The following PDE3A variants were observed in gnomAD, a reference collection of about 807,000 sequenced individuals.
PDE3A encodes cGMP-inhibited 3',5'-cyclic phosphodiesterase 3A.
PDE3A carries 43 observed loss-of-function variants against 98.3 expected under a neutral mutation model. The observed-to-expected ratio is 0.44, with a 90% CI of 0.34 to 0.56. PDE3A has a LOEUF of 0.56. PDE3A is among the 20% of genes least tolerant of loss of function. The pLI is 0.01. For synonymous variants in PDE3A, 663 were observed against 567.9 expected, an observed-to-expected ratio of 1.17 and a Z score of -2.38; for missense variants, 1,427 against 1,440.7, an observed-to-expected ratio of 0.99 and a Z score of 0.15.
intron 2 of PDE3A, among the ~76,000 whole-genome samples, chr12:20,588,136 G>C (rs1016159801): frequency 6.6e-6 from 1 of 152,170 alleles, no homozygotes; most frequent in Non-Finnish European, 1.5e-5. Flanking sequence ...AAGGCGGTAG[G>C]GGCAGTTGTT....
chr12:20,377,319 G>T (rs1256148493), intron 1 of PDE3A, among the ~76,000 whole-genome samples: 3 of 151,888 alleles, frequency 2.0e-5, no homozygotes, highest in Admixed American at 1.3e-4. Context: ...CAGATGAAAT[G>T]AATTATAATA....
At chr12:20,572,161 A>T (rs1449062294) in intron 2 of PDE3A, 4 of 1,267,002 alleles carry the variant, frequency 3.2e-6, no homozygotes, top group Non-Finnish European at 3.1e-6. Flanking sequence ...TGGAGCTTCT[A>T]CTGGGAAAAG....
chr12:20,568,201 A>G (rs1355365923), intron 2 of PDE3A, among the ~76,000 whole-genome samples: 3 of 151,966 alleles, frequency 2.0e-5, no homozygotes, highest in Admixed American at 2.0e-4. Flanking sequence ...TCTTCTTGAC[A>G]AATTCTATTA....
intron 2 of PDE3A, among the ~76,000 whole-genome samples, chr12:20,589,908 A>T (rs536616812): frequency 4.1e-4 from 62 of 151,442 alleles, no homozygotes; most frequent in African/African-American, 1.4e-3. Context: ...ATTAGTTCAC[A>T]TTAGTTCATA....
intron 5 of PDE3A, among the ~76,000 whole-genome samples, chr12:20,625,101 C>T (rs1347264025): frequency 6.6e-6 from 1 of 152,152 alleles, no homozygotes; most frequent in Non-Finnish European, 1.5e-5. Flanking sequence ...TTGCGCAAAT[C>T]AAGTAAACAG....
intron 15 of PDE3A, among the ~76,000 whole-genome samples, chr12:20,662,740 A>G (rs1381667895): frequency 6.6e-5 from 10 of 152,230 alleles, no homozygotes. Context: ...TTAAGAGGGA[A>G]GCTGAGCATA....
In PDE3A at chr12:20,627,567, C is replaced by T. The variant is rs371541469; in HGVS notation, c.1541-2341C>T. On this transcript the variant is annotated intron_variant, in intron 5 of 15. Coordinates refer to ENST00000359062, the MANE Select transcript of PDE3A (RefSeq NM_000921.5). Reference sequence around the variant, plus strand: ...AGGCCTCTATTCAAATTTTACCCACCCCCACCCTTTCCCAGCCAGAGAGGC... The same window carrying T: ...AGGCCTCTATTCAAATTTTACCCACTCCCACCCTTTCCCAGCCAGAGAGGC... Among the ~76,000 whole-genome samples the T allele has an allele frequency of 3.0e-3, 456 of 151,962 alleles. 2 individuals are homozygous for T. Among genetic ancestry groups the T allele is most frequent in the South Asian group, 0.015 (70 of 4,808 alleles).
At chr12:20,384,262 G>A (rs542146132) in intron 1 of PDE3A, among the ~76,000 whole-genome samples, 2 of 150,560 alleles carry the variant, frequency 1.3e-5, no homozygotes, top group Non-Finnish European at 3.0e-5. Flanking sequence ...CCTGACATTC[G>A]GGAAAGTCAT....
At chr12:20,481,384 A>G (rs1482575294) in intron 1 of PDE3A, among the ~76,000 whole-genome samples, 1 of 152,206 alleles carries the variant, frequency 6.6e-6, no homozygotes, top group Non-Finnish European at 1.5e-5. Context: ...CTGAATATTT[A>G]TTATATGCTC....
Position 20,450,758 on chromosome 12 carries a change from A to G in PDE3A, c.960+80514A>G, listed in dbSNP as rs114468159. On this transcript the variant is annotated intron_variant, in intron 1 of 15. Transcript: ENST00000359062. Reference sequence around the variant, plus strand: ...AAATACGCTGTATGGGAATGTGCTTATATTTTGATGAGTAATGTGTTTTTA... The same window carrying G: ...AAATACGCTGTATGGGAATGTGCTTGTATTTTGATGAGTAATGTGTTTTTA... Among the ~76,000 whole-genome samples, 644 of 152,356 alleles carry G rather than the reference A, an allele frequency of 4.2e-3. 6 individuals carry two copies. The highest frequency in any genetic ancestry group is 0.014 in the African/African-American group (600 of 41,590).
At chr12:20,643,010 G>A (rs1944680107) in intron 10 of PDE3A, among the ~76,000 whole-genome samples, 1 of 152,078 alleles carries the variant, frequency 6.6e-6, no homozygotes, top group Admixed American at 6.6e-5. Flanking sequence ...TGTGCTTGAG[G>A]GAAAAGGAGA....
rs369635125 is a variant in PDE3A, at chr12:20,419,738, A to T, written c.960+49494A>T. Among the ~76,000 whole-genome samples, 317 of 132,648 alleles carry T rather than the reference A, an allele frequency of 2.4e-3. 1 individual carries two copies. Among genetic ancestry groups the T allele is most frequent in the African/African-American group, 7.3e-3 (260 of 35,504 alleles). The allele number at this position is 132,648 out of a possible 152,430, so 87.0% of individuals were successfully genotyped here. The stretch of plus-strand genomic sequence containing the variant: ...ACCCTATGATTAAATTTAATATTGT[A>T]TTTTTTTTTTTTTTTTTGAGACAAA... On this transcript the variant is annotated intron_variant, in intron 1 of 15. Coordinates refer to ENST00000359062, the MANE Select transcript of PDE3A (RefSeq NM_000921.5).
intron 1 of PDE3A, among the ~76,000 whole-genome samples, chr12:20,544,859 T>G (rs1018190467): frequency 6.6e-6 from 1 of 151,944 alleles, no homozygotes; most frequent in African/African-American, 2.4e-5. Flanking sequence ...CATGGAAAAC[T>G]GTAAATCTCT....
intron 2 of PDE3A, among the ~76,000 whole-genome samples, chr12:20,603,581 G>A (rs1270483100): frequency 1.3e-5 from 2 of 151,674 alleles, no homozygotes; most frequent in Non-Finnish European, 2.9e-5. Context: ...ATTTATTTTG[G>A]TAGAGAAATC....
rs117720973 is a variant in PDE3A, at chr12:20,636,556, A to T, written c.2002-544A>T. On this transcript the variant is annotated intron_variant, in intron 8 of 15. Coordinates refer to ENST00000359062, the MANE Select transcript of PDE3A (RefSeq NM_000921.5). ...TGAAATAAATTAAAATCCCTAAAAA[A>T]TATGGCAATTGTTATTCTATAGGAT... is the stretch of plus-strand genomic sequence containing the variant. Among the ~76,000 whole-genome samples the T allele has an allele frequency of 1.3e-3, 195 of 152,300 alleles. 3 individuals carry two copies. In the East Asian group the frequency reaches 0.033, roughly 26 times the overall value.
Position 20,633,764 on chromosome 12 carries a change from C to T in PDE3A, c.1832C>T (p.Thr611Ile). Residue 611 changes from threonine to isoleucine, a missense_variant, in exon 7 of 16, where the codon ACA (threonine) becomes ATA (isoleucine). Physicochemically the swap from Thr to Ile is moderately conservative, Grantham distance 89. Coordinates refer to ENST00000359062, the MANE Select transcript of PDE3A (RefSeq NM_000921.5). ...GAGAGAAGTGGGGTAGCCACTCGGA[C>T]ACCAAGTAGAACAGGTAATTCATTG... The part of the protein sequence containing the change: ...PLERSGVATR[T>I]PSRTDDTAQV... The T allele has an allele frequency of 6.3e-7, 1 of 1,596,158 alleles. No homozygotes were observed.
chr12:20,371,679 TG>T (rs1389671538), intron 1 of PDE3A, among the ~76,000 whole-genome samples: 1 of 152,178 alleles, frequency 6.6e-6, no homozygotes, highest in Non-Finnish European at 1.5e-5. Context: ...ATTTGCTTTT[TG>T]TTTCGATAAA....
chr12:20,520,463 C>A (rs1238545580), intron 1 of PDE3A, among the ~76,000 whole-genome samples: 2 of 152,104 alleles, frequency 1.3e-5, no homozygotes, highest in Non-Finnish European at 2.9e-5. Context: ...TGGCTATCAA[C>A]CAACATAGGA....
In PDE3A at chr12:20,637,112, C is replaced by A. The variant is rs776833954; in HGVS notation, c.2014C>A (p.Leu672Ile). The A allele has an allele frequency of 1.9e-6, 3 of 1,606,246 alleles. No homozygotes were observed. Among genetic ancestry groups the A allele is most frequent in the Non-Finnish European group, 2.5e-6 (3 of 1,176,748 alleles). ...TTAAACATTACAGGACAAACCAATT[C>A]TTGCTCCCGAACCTCTTGTCATGGA... is the stretch of plus-strand genomic sequence containing the variant. The part of the protein sequence containing the change: ...ETMMFLDKPI[L>I]APEPLVMDNL... The change falls in exon 9 of 16, where the codon CTT becomes ATT. Residue 672 changes from leucine to isoleucine, a missense_variant. Physicochemically the swap from Leu to Ile is conservative, Grantham distance 5. Around this residue, in one of 3 missense-constraint regions of PDE3A, gnomAD observed 1,012 missense variants for 886.5 expected, o/e 1.14. Transcript: ENST00000359062.
Sources: allele counts gnomAD v4.1 joint callset (sites outside exome capture counted in the v4.1 genomes callset), GRCh38; gene constraint gnomAD v4.1.1; regional missense constraint gnomAD v4.1.1; transcripts MANE v1.5; gene names NCBI Gene and HGNC (gene_info 2026-07-23, HGNC 2026-07-21).